Variants in NDEL1 observed in about 807,000 individuals in gnomAD.
NDEL1 encodes nuclear distribution protein nudE-like 1.
A neutral mutation model predicts 45.7 loss-of-function variants in NDEL1; 9 were observed. That is an observed-to-expected ratio of 0.20 (90% CI 0.12 to 0.34). NDEL1 has a LOEUF of 0.34. NDEL1 is among the 10% of genes least tolerant of loss of function. NDEL1 has a pLI of 1.00. For missense variants in NDEL1, 306 were observed against 406.2 expected (o/e 0.75, Z 2.12); for synonymous variants, 133 against 158.6 (o/e 0.84, Z 1.21).
chr17:8,456,700 T>C (rs1297159475), intron 7 of NDEL1, among the ~76,000 whole-genome samples: 1 of 152,162 alleles, frequency 6.6e-6, no homozygotes, highest in African/African-American at 2.4e-5. Context: ...GGTTTCACCA[T>C]GTTGGCCATG....
At position 8,451,037 on chromosome 17, in the gene NDEL1, T is replaced by A. The variant is rs990452679; in HGVS notation, c.700+84T>A. On this transcript the variant is annotated intron_variant, in intron 6 of 8. Transcript: ENST00000334527. ...GTTGCTGAAGGCGGTTGCTAAGGTT[T>A]AAAGAGTAATTTTAGTTTAAAAGTT... The A allele has an allele frequency of 3.4e-5, 46 of 1,349,550 alleles. No homozygotes were observed. In the African/African-American group the frequency reaches 6.7e-4, roughly 20 times the overall value. The allele number at this position is 1,349,550 out of a possible 1,614,324, so 83.6% of individuals were successfully genotyped here. A position where few individuals can be genotyped will look rare whatever the true frequency, so the allele number is the denominator to read the frequency against.
chr17:8,414,561 G>A (rs1460938863), intron 1 of NDEL1, among the ~76,000 whole-genome samples: 3 of 152,164 alleles, frequency 2.0e-5, no homozygotes, highest in African/African-American at 4.8e-5. Flanking sequence ...CAGCTACCCG[G>A]GAGGCTGAGG....
intron 8 of NDEL1, chr17:8,466,659 T>C (rs1476217470): frequency 6.6e-6 from 3 of 456,296 alleles, no homozygotes; most frequent in East Asian, 7.7e-5. Context: ...ACCTGCTTTA[T>C]GGGGAAAGAA....
At chr17:8,459,673 T>C (rs1597554511) in intron 7 of NDEL1, among the ~76,000 whole-genome samples, 1 of 152,150 alleles carries the variant, frequency 6.6e-6, no homozygotes, top group East Asian at 1.9e-4. Flanking sequence ...CAACTAACAG[T>C]CTACAGCTTA....
At chr17:8,415,346 T>A (rs983732151) in intron 1 of NDEL1, among the ~76,000 whole-genome samples, 77 of 152,126 alleles carry the variant, frequency 5.1e-4, no homozygotes, top group African/African-American at 1.8e-3. Flanking sequence ...ACTTGGCTAA[T>A]TTTTTGCATT....
chr17:8,473,407 G>A (rs375167781), intron 3 of NDEL1, among the ~76,000 whole-genome samples: 6 of 152,250 alleles, frequency 3.9e-5, no homozygotes, highest in African/African-American at 9.6e-5. Context: ...GGCTGGATTC[G>A]AACTTCTGAC....
upstream of NDEL1, among the ~76,000 whole-genome samples, chr17:8,435,686 G>A (rs1158989119): frequency 6.6e-6 from 1 of 152,234 alleles, no homozygotes; most frequent in African/African-American, 2.4e-5. Context: ...AAAACCAGCC[G>A]GTCGCAGAGT....
chr17:8,420,464 G>C (rs1042637894), intron 1 of NDEL1, among the ~76,000 whole-genome samples: 2 of 152,210 alleles, frequency 1.3e-5, no homozygotes, highest in Admixed American at 6.5e-5. Flanking sequence ...GTACAGAAAG[G>C]ACTCTTGGCT....
chr17:8,414,902 T>C (rs1908508009), intron 1 of NDEL1, among the ~76,000 whole-genome samples: 1 of 152,154 alleles, frequency 6.6e-6, no homozygotes, highest in Non-Finnish European at 1.5e-5. Context: ...CACATTAGAT[T>C]ATCTCTCAGT....
At chr17:8,414,666 CA>C (rs879826276) in intron 1 of NDEL1, among the ~76,000 whole-genome samples, 33 of 143,196 alleles carry the variant, frequency 2.3e-4, no homozygotes, top group Middle Eastern at 3.5e-3. Flanking sequence ...GACTCCATCT[CA>C]AAAAAAAAAA....
At chr17:8,451,800 A>T (rs1269098447) in intron 6 of NDEL1, among the ~76,000 whole-genome samples, 2 of 151,890 alleles carry the variant, frequency 1.3e-5, no homozygotes, top group East Asian at 3.8e-4. Flanking sequence ...CCCTATATTG[A>T]AGCTGTCATC....
intron 8 of NDEL1, chr17:8,466,344 A>G (rs760788260): frequency 2.6e-5 from 4 of 153,016 alleles, no homozygotes; most frequent in Non-Finnish European, 5.8e-5. Context: ...GTATATATAC[A>G]TTTATTTATA....
At chr17:8,446,455 G>T (rs1287672461) in intron 3 of NDEL1, among the ~76,000 whole-genome samples, 3 of 152,190 alleles carry the variant, frequency 2.0e-5, no homozygotes, top group African/African-American at 7.2e-5. Flanking sequence ...GCCGCATTTA[G>T]CCTGAAAATC....
At chr17:8,461,064 G>C (rs561553771) in intron 8 of NDEL1, 2 of 152,304 alleles carry the variant, frequency 1.3e-5, no homozygotes, top group African/African-American at 4.8e-5. Flanking sequence ...ACAGCCAACA[G>C]GCACCCGTGA....
chr17:8,444,065 T>C, intron 1 of NDEL1, 195 bp from the exon 2 acceptor site: 1 of 471,502 alleles, frequency 2.1e-6, no homozygotes, highest in Non-Finnish European at 3.8e-6. Context: ...ATGATCTCAT[T>C]CACAATATTG....
intron 4 of NDEL1, among the ~76,000 whole-genome samples, chr17:8,448,156 G>C (rs1910217442): frequency 6.6e-6 from 1 of 152,190 alleles, no homozygotes; most frequent in South Asian, 2.1e-4. Context: ...AAGTCAGTGT[G>C]AATTGGCCTT....
intron 1 of NDEL1, among the ~76,000 whole-genome samples, chr17:8,440,749 A>T (rs893903030): frequency 6.6e-6 from 1 of 152,232 alleles, no homozygotes; most frequent in African/African-American, 2.4e-5. Context: ...ACAAATGGAT[A>T]CTCGCAATAC....
chr17:8,471,767 A>G (rs1192333633), downstream of NDEL1, among the ~76,000 whole-genome samples: 1 of 152,226 alleles, frequency 6.6e-6, no homozygotes, highest in Non-Finnish European at 1.5e-5. Flanking sequence ...GTACTTCACA[A>G]TCTGCTTGAT....
chr17:8,420,514 A>G (rs1174211001), intron 1 of NDEL1, among the ~76,000 whole-genome samples: 1 of 152,268 alleles, frequency 6.6e-6, no homozygotes, highest in Admixed American at 6.5e-5. Context: ...CATCTGGGAC[A>G]GATGCCAAAG....
Sources: gnomAD v4.1 joint callset for allele counts (sites outside exome capture counted in the v4.1 genomes callset) on GRCh38, gnomAD v4.1.1 for gene constraint, MANE v1.5 for transcripts, NCBI Gene and HGNC (gene_info 2026-07-23, HGNC 2026-07-21) for gene names.